Variants in KHDRBS2 observed in about 807,000 individuals in gnomAD.
The protein encoded by KHDRBS2 is KH domain-containing, RNA-binding, signal transduction-associated protein 2.
Under a neutral mutation model 44.3 loss-of-function variants are expected in KHDRBS2, and 26 were observed. The observed-to-expected ratio is 0.59, with a 90% CI of 0.43 to 0.81. The LOEUF is 0.81. Among genes scored for constraint, KHDRBS2 ranks in the 40% least tolerant of loss-of-function variants. The pLI is 0.00. For synonymous variants in KHDRBS2, 194 were observed against 151.1 expected (o/e 1.28, Z -2.08); for missense variants, 476 against 433.1 (o/e 1.10, Z -0.88).
chr6:61,613,861 T>A, the KHDRBS2 span, among the ~76,000 whole-genome samples: 1 of 152,174 alleles, frequency 6.6e-6, no homozygotes, highest in Non-Finnish European at 1.5e-5. Context: ...ACAGCAACAT[T>A]GGGACATTTT....
At chr6:62,015,783 C>A (rs1021369934) in intron 3 of KHDRBS2, among the ~76,000 whole-genome samples, 1 of 152,162 alleles carries the variant, frequency 6.6e-6, no homozygotes, top group Admixed American at 6.6e-5. Context: ...GAATTATTAT[C>A]CACAGATCAG....
chr6:61,893,384 C>A (rs1802341402), intron 6 of KHDRBS2, among the ~76,000 whole-genome samples: 2 of 152,168 alleles, frequency 1.3e-5, no homozygotes, highest in African/African-American at 4.8e-5. Flanking sequence ...TTTGACCCAG[C>A]CATCCCATTA....
chr6:61,965,520 G>A (rs1376709056), intron 4 of KHDRBS2, among the ~76,000 whole-genome samples: 2 of 151,986 alleles, frequency 1.3e-5, no homozygotes, highest in African/African-American at 4.8e-5. Flanking sequence ...GGCAAATGGG[G>A]ATTAAAAAGC....
chr6:61,816,958 G>C, intron 6 of KHDRBS2: 1 of 455,678 alleles, frequency 2.2e-6, no homozygotes, highest in Non-Finnish European at 4.4e-6. Flanking sequence ...AACTTACCTG[G>C]TGAGATTTTG....
intron 1 of KHDRBS2, among the ~76,000 whole-genome samples, chr6:62,253,267 T>G (rs1422185348): frequency 1.3e-5 from 2 of 152,046 alleles, no homozygotes; most frequent in African/African-American, 4.8e-5. Context: ...TACATTTTAA[T>G]CAAGGGAGGT....
intron 8 of KHDRBS2, among the ~76,000 whole-genome samples, chr6:61,694,130 TAA>T (rs1767651530): frequency 6.6e-6 from 1 of 152,100 alleles, no homozygotes; most frequent in African/African-American, 2.4e-5. Flanking sequence ...ATTTTGCAAG[TAA>T]AAGTTTGATT....
intron 6 of KHDRBS2, among the ~76,000 whole-genome samples, chr6:61,892,344 T>C (rs1802005406): frequency 6.6e-6 from 1 of 152,314 alleles, no homozygotes; most frequent in East Asian, 1.9e-4. Flanking sequence ...ATTTATAGAT[T>C]CAATGCCATC....
At chr6:61,738,788 G>T (rs747231641) in intron 6 of KHDRBS2, among the ~76,000 whole-genome samples, 3 of 151,698 alleles carry the variant, frequency 2.0e-5, no homozygotes, top group Non-Finnish European at 4.4e-5. Context: ...TGACTTAAAC[G>T]CTTATTATTG....
chr6:61,671,524 A>G, the KHDRBS2 span, among the ~76,000 whole-genome samples: 14 of 151,870 alleles, frequency 9.2e-5, no homozygotes, highest in South Asian at 1.0e-3. Flanking sequence ...ACTTTCTCCA[A>G]TGCACACTGT....
intron 1 of KHDRBS2, among the ~76,000 whole-genome samples, chr6:62,266,812 C>T (rs773341268): frequency 1.4e-4 from 21 of 151,656 alleles, no homozygotes; most frequent in Non-Finnish European, 2.4e-4. Context: ...TTTTTATCTC[C>T]GAGGATTAGT....
At chr6:62,174,268 T>G (rs1159180117) in intron 2 of KHDRBS2, among the ~76,000 whole-genome samples, 1 of 151,210 alleles carries the variant, frequency 6.6e-6, no homozygotes, top group Non-Finnish European at 1.5e-5. Flanking sequence ...TACACCAACA[T>G]CAAAGCTAAG....
the KHDRBS2 span, among the ~76,000 whole-genome samples, chr6:61,647,224 T>C: frequency 6.6e-6 from 1 of 152,192 alleles, no homozygotes; most frequent in African/African-American, 2.4e-5. Flanking sequence ...ATGGTGAAAG[T>C]ATTTTATATA....
At chr6:61,947,707 C>G (rs1352280943) in intron 4 of KHDRBS2, among the ~76,000 whole-genome samples, 1 of 151,740 alleles carries the variant, frequency 6.6e-6, no homozygotes, top group Non-Finnish European at 1.5e-5. Context: ...TTTCAGCACA[C>G]AATGCAAGTA....
At chr6:62,172,555 C>A (rs1204560763) in intron 2 of KHDRBS2, among the ~76,000 whole-genome samples, 1 of 151,826 alleles carries the variant, frequency 6.6e-6, no homozygotes, top group Non-Finnish European at 1.5e-5. Flanking sequence ...ATATTCAGAA[C>A]CTGAACTCAA....
intron 7 of KHDRBS2, among the ~76,000 whole-genome samples, chr6:61,698,672 C>T (rs1768197291): frequency 6.6e-6 from 1 of 151,970 alleles, no homozygotes; most frequent in African/African-American, 2.4e-5. Context: ...TTGCTTACAC[C>T]ATTTGTCCCC....
At chr6:61,653,933 C>T in the KHDRBS2 span, among the ~76,000 whole-genome samples, 14 of 152,030 alleles carry the variant, frequency 9.2e-5, no homozygotes, top group Admixed American at 3.9e-4. Flanking sequence ...ATAAGTTTAA[C>T]AAATTCATGG....
chr6:62,064,775 A>G (rs1052012910), intron 2 of KHDRBS2, among the ~76,000 whole-genome samples: 76 of 152,206 alleles, frequency 5.0e-4, no homozygotes, highest in Non-Finnish European at 9.7e-4. Context: ...GCCAAAATTG[A>G]CAAATGGGAT....
At chr6:62,240,959 T>G (rs2150167359) in intron 1 of KHDRBS2, among the ~76,000 whole-genome samples, 1 of 152,042 alleles carries the variant, frequency 6.6e-6, no homozygotes, top group African/African-American at 2.4e-5. Flanking sequence ...GCGTTTAATC[T>G]TACATACTTC....
chr6:61,959,533 G>T (rs1768168127), intron 4 of KHDRBS2, among the ~76,000 whole-genome samples: 3 of 152,068 alleles, frequency 2.0e-5, no homozygotes, highest in Non-Finnish European at 4.4e-5. Flanking sequence ...AACAATTTCT[G>T]CAGGGAAATT....
Sources: allele counts gnomAD v4.1 joint callset (sites outside exome capture counted in the v4.1 genomes callset), GRCh38; gene constraint gnomAD v4.1.1; transcripts MANE v1.5; gene names NCBI Gene and HGNC (gene_info 2026-07-23, HGNC 2026-07-21).